FGGY: variants seen among roughly 807,000 people sequenced by gnomAD.
FGGY encodes the protein FGGY carbohydrate kinase domain-containing protein.
A neutral mutation model predicts 71.3 loss-of-function variants in FGGY; 72 were observed. The ratio of observed to expected loss-of-function variants is 1.01; its 90% CI spans 0.84 to 1.23. FGGY has a LOEUF of 1.23. FGGY is among the 50% of genes most tolerant of loss of function. The pLI, the probability that FGGY is intolerant of heterozygous loss-of-function variation, is 0.00. For missense variants in FGGY, 668 were observed against 682.3 expected, an observed-to-expected ratio of 0.98 and a Z score of 0.23; for synonymous variants, 251 against 250.3, an observed-to-expected ratio of 1.00 and a Z score of -0.02.
chr1:59,729,859 C>A (rs957420041), intron 14 of FGGY, among the ~76,000 whole-genome samples: 31 of 152,244 alleles, frequency 2.0e-4, no homozygotes, highest in African/African-American at 7.2e-4. Flanking sequence ...GAAGAGATGT[C>A]CTTCCCCTGT....
At chr1:59,667,906 C>G (rs908839413) in intron 13 of FGGY, among the ~76,000 whole-genome samples, 37 of 152,248 alleles carry the variant, frequency 2.4e-4, no homozygotes, top group African/African-American at 7.7e-4. Flanking sequence ...GGTTTGGGAC[C>G]TAATGGCAGC....
chr1:59,757,017 T>C (rs1395894667), intron 14 of FGGY, among the ~76,000 whole-genome samples: 2 of 152,026 alleles, frequency 1.3e-5, no homozygotes, highest in South Asian at 2.1e-4. Flanking sequence ...TAGTAAGTGA[T>C]TAATAAATGT....
At chr1:59,750,378 T>C (rs925935761) in intron 14 of FGGY, among the ~76,000 whole-genome samples, 4 of 151,902 alleles carry the variant, frequency 2.6e-5, no homozygotes, top group African/African-American at 9.7e-5. Context: ...CAGTTCTGTT[T>C]TCTCATTTTC....
At chr1:59,725,637 G>GT (rs774357113) in intron 14 of FGGY, among the ~76,000 whole-genome samples, 375 of 137,016 alleles carry the variant, frequency 2.7e-3, no homozygotes, top group Non-Finnish European at 4.0e-3. Context: ...TTTGTTTTTT[G>GT]TTTTTTTTGC....
chr1:59,538,155 A>C (rs924529063), intron 7 of FGGY, among the ~76,000 whole-genome samples: 3 of 151,760 alleles, frequency 2.0e-5, no homozygotes, highest in African/African-American at 7.2e-5. Flanking sequence ...TTACGAGAAA[A>C]AAACAACCCC....
At chr1:59,722,590 G>C (rs1345301539) in intron 14 of FGGY, among the ~76,000 whole-genome samples, 1 of 152,104 alleles carries the variant, frequency 6.6e-6, no homozygotes, top group Non-Finnish European at 1.5e-5. Flanking sequence ...TTGTTACTCA[G>C]TTGTTCCAGT....
At chr1:59,753,112 C>T (rs757818803) in intron 14 of FGGY, among the ~76,000 whole-genome samples, 4 of 152,076 alleles carry the variant, frequency 2.6e-5, no homozygotes, top group Admixed American at 6.6e-5. Flanking sequence ...GATTGTCCGG[C>T]TCCTGCCTGC....
intron 9 of FGGY, among the ~76,000 whole-genome samples, chr1:59,615,466 C>T (rs2096741701): frequency 6.6e-6 from 1 of 152,112 alleles, no homozygotes; most frequent in Non-Finnish European, 1.5e-5. Context: ...AAACTGGATC[C>T]CTTCCTTACA....
At chr1:59,551,155 T>C (rs2153701523) in intron 7 of FGGY, among the ~76,000 whole-genome samples, 1 of 152,200 alleles carries the variant, frequency 6.6e-6, no homozygotes, top group Admixed American at 6.5e-5. Flanking sequence ...AGAGCTACCA[T>C]TAAACATCTC....
intron 14 of FGGY, among the ~76,000 whole-genome samples, chr1:59,738,407 A>G (rs1415012835): frequency 6.6e-6 from 1 of 152,248 alleles, no homozygotes; most frequent in Non-Finnish European, 1.5e-5. Context: ...ACCAGATGGC[A>G]AACAAGAATT....
At position 59,539,494 on chromosome 1, in the gene FGGY, G is replaced by T. The variant is rs560520650; in HGVS notation, c.800-14630G>T. Among the ~76,000 whole-genome samples, 237 of 152,302 alleles carry T rather than the reference G, an allele frequency of 1.6e-3. 2 individuals carry two copies. The highest frequency in any genetic ancestry group is 5.5e-3 in the African/African-American group (229 of 41,572). On this transcript the variant is annotated intron_variant, in intron 7 of 15. Transcript: ENST00000303721. The stretch of plus-strand genomic sequence containing the variant: ...ATTTGTGGCAAAGATGCCGTTGCCA[G>T]AGCTGTAAGGAAGCAATGTATTTTT...
At chr1:59,347,082 C>T (rs2052140244) in intron 4 of FGGY, among the ~76,000 whole-genome samples, 1 of 116,634 alleles carries the variant, frequency 8.6e-6, no homozygotes. Context: ...CTTTTTTTTC[C>T]TCTTTTTTTT....
chr1:59,693,505 A>G (rs150098054), intron 14 of FGGY, among the ~76,000 whole-genome samples: 2 of 152,358 alleles, frequency 1.3e-5, no homozygotes, highest in African/African-American at 2.4e-5. Context: ...AGCGTGTCAT[A>G]CATATTAATG....
chr1:59,710,200 G>A (rs918196063), intron 14 of FGGY, among the ~76,000 whole-genome samples: 1 of 152,148 alleles, frequency 6.6e-6, no homozygotes, highest in Non-Finnish European at 1.5e-5. Context: ...GATAAAATAG[G>A]ATTCCTTATT....
intron 14 of FGGY, among the ~76,000 whole-genome samples, chr1:59,711,060 G>C (rs2097790185): frequency 6.6e-6 from 1 of 152,138 alleles, no homozygotes; most frequent in Non-Finnish European, 1.5e-5. Flanking sequence ...ATCAATGTTA[G>C]ACTGGATAAA....
At chr1:59,566,021 A>G (rs1033931025) in intron 8 of FGGY, among the ~76,000 whole-genome samples, 3 of 152,150 alleles carry the variant, frequency 2.0e-5, no homozygotes, top group African/African-American at 7.2e-5. Flanking sequence ...CAACTCATGA[A>G]GATGTTTTTC....
chr1:59,353,131 C>T (rs1420721788), intron 4 of FGGY, among the ~76,000 whole-genome samples: 1 of 152,148 alleles, frequency 6.6e-6, no homozygotes, highest in Non-Finnish European at 1.5e-5. Flanking sequence ...GGATCTTGGA[C>T]AAGCTAAAAT....
Position 59,584,069 on chromosome 1 carries a change from G to A in FGGY, c.904-23734G>A, listed in dbSNP as rs553232173. 3.3e-5 allele frequency among the ~76,000 whole-genome samples: 5 copies of A among 149,666 alleles called. 1 individual carries two copies. The highest frequency in any genetic ancestry group is 1.0e-4 in the African/African-American group (4 of 39,510). On this transcript the variant is annotated intron_variant, in intron 8 of 15. Transcript: ENST00000303721. Reference sequence around the variant, plus strand: ...TCCAGGACCGGATGGATTCACAGCCGAATTCTACCAGAGGTACAAGGAGGA... The same window carrying A: ...TCCAGGACCGGATGGATTCACAGCCAAATTCTACCAGAGGTACAAGGAGGA...
intron 7 of FGGY, among the ~76,000 whole-genome samples, chr1:59,518,223 C>G (rs1476849147): frequency 6.6e-6 from 1 of 152,296 alleles, no homozygotes; most frequent in South Asian, 2.1e-4. Flanking sequence ...GCCTTTGGTT[C>G]ATGCCCTAGA....
Sources: gnomAD v4.1 joint callset for allele counts (sites outside exome capture counted in the v4.1 genomes callset) on GRCh38, gnomAD v4.1.1 for gene constraint, MANE v1.5 for transcripts, NCBI Gene and HGNC (gene_info 2026-07-23, HGNC 2026-07-21) for gene names.